Variants in BABAM2 observed in about 807,000 individuals in gnomAD.
The protein encoded by BABAM2 is BRISC and BRCA1-A complex member 2.
In BABAM2, 31 loss-of-function variants were observed where a neutral mutation model predicts 54.7. That is an observed-to-expected ratio of 0.57 (90% CI 0.43 to 0.77). The LOEUF is 0.77. Ranked by LOEUF, BABAM2 falls within the 30% of genes least tolerant of loss-of-function variation. The pLI is 0.00. For missense variants in BABAM2, 364 were observed against 455.8 expected (o/e 0.80, Z 1.83); for synonymous variants, 167 against 162.9 (o/e 1.03, Z -0.19).
At chr2:28,192,176 A>G (rs923508530) in intron 7 of BABAM2, among the ~76,000 whole-genome samples, 2 of 152,106 alleles carry the variant, frequency 1.3e-5, no homozygotes, top group African/African-American at 4.8e-5. Flanking sequence ...CTGGGACCAC[A>G]GGCGCCCGCC....
At chr2:28,277,927 T>C (rs941284081) in intron 10 of BABAM2, among the ~76,000 whole-genome samples, 1 of 152,128 alleles carries the variant, frequency 6.6e-6, no homozygotes, top group Non-Finnish European at 1.5e-5. Context: ...AGAAACCCCC[T>C]CAGAAGGGTT....
At chr2:28,139,321 C>CAAAAAAAAAAAAAAAAAA (rs768755922) in intron 7 of BABAM2, among the ~76,000 whole-genome samples, 24 of 87,044 alleles carry the variant, frequency 2.8e-4, no homozygotes, top group African/African-American at 5.2e-4. Context: ...AACTCCGTCT[C>CAAAAAAAAAAAAAAAAAA]AAAAAAAAAA....
intron 3 of BABAM2, among the ~76,000 whole-genome samples, chr2:27,952,848 TC>T (rs150177762): frequency 0.025 from 3,841 of 152,320 alleles, 63 homozygotes; most frequent in Non-Finnish European, 0.039. Context: ...ACAGCCTAAT[TC>T]TTCATAGAAT....
chr2:28,045,600 C>T lies in BABAM2; in HGVS notation c.496-125C>T, dbSNP rs6738887. 459,511 of 647,546 alleles carry T rather than the reference C, an allele frequency of 0.71. 168,687 individuals are homozygous for T. The highest frequency in any genetic ancestry group is 0.8 in the Middle Eastern group (1,724 of 2,162). 40.1% of individuals were successfully genotyped at this position (647,546 alleles called of 1,614,324 possible). ...TTTCCAACCTTCTTTTCTTGCCTAA[C>T]GTTAGGAAAACCAAATTGAAGATGC... On this transcript the variant is annotated intron_variant, in intron 5 of 11. Transcript: ENST00000379624.
At chr2:28,330,432 C>T (rs77686953) in intron 11 of BABAM2, among the ~76,000 whole-genome samples, 1 of 152,102 alleles carries the variant, frequency 6.6e-6, no homozygotes, top group Non-Finnish European at 1.5e-5. Context: ...TCTAGAAAAC[C>T]CCATTGTCTC....
chr2:28,004,421 G>A (rs866124145), intron 4 of BABAM2, among the ~76,000 whole-genome samples: 3 of 152,072 alleles, frequency 2.0e-5, no homozygotes, highest in African/African-American at 7.2e-5. Flanking sequence ...ACATTATTAT[G>A]AACAAAACAT....
chr2:27,987,159 T>A (rs544776058), intron 3 of BABAM2, among the ~76,000 whole-genome samples: 1 of 152,314 alleles, frequency 6.6e-6, no homozygotes, highest in African/African-American at 2.4e-5. Context: ...TTCTTACTGA[T>A]GAAGAAACTG....
At chr2:27,904,094 G>A (rs1309239023) in intron 2 of BABAM2, among the ~76,000 whole-genome samples, 2 of 152,180 alleles carry the variant, frequency 1.3e-5, no homozygotes, top group Admixed American at 1.3e-4. Context: ...AGACAGTTAT[G>A]CTGGACAGAG....
intron 7 of BABAM2, among the ~76,000 whole-genome samples, chr2:28,159,282 G>A (rs1672830456): frequency 6.6e-6 from 1 of 152,168 alleles, no homozygotes; most frequent in East Asian, 1.9e-4. Context: ...GAGTCTACTG[G>A]CAGAGTCAGG....
intron 9 of BABAM2, among the ~76,000 whole-genome samples, chr2:28,244,080 A>G (rs1682698825): frequency 6.6e-6 from 1 of 152,172 alleles, no homozygotes; most frequent in Non-Finnish European, 1.5e-5. Context: ...TGGCCCATTC[A>G]GAGGTCAGGG....
At chr2:28,266,886 T>G (rs1461137165) in intron 10 of BABAM2, among the ~76,000 whole-genome samples, 2 of 152,284 alleles carry the variant, frequency 1.3e-5, no homozygotes, top group Admixed American at 6.5e-5. Flanking sequence ...CTGGGTGCAG[T>G]GGCTCACGCC....
At chr2:28,266,794 A>G (rs1462838341) in intron 10 of BABAM2, among the ~76,000 whole-genome samples, 2 of 152,258 alleles carry the variant, frequency 1.3e-5, no homozygotes, top group Non-Finnish European at 2.9e-5. Context: ...TATTTACCAT[A>G]TAAGTCTTTC....
intron 8 of BABAM2, among the ~76,000 whole-genome samples, chr2:28,239,810 G>C (rs906281264): frequency 6.6e-6 from 1 of 152,152 alleles, no homozygotes; most frequent in Non-Finnish European, 1.5e-5. Flanking sequence ...AAAACCATTA[G>C]GTGAAAGGTT....
At position 28,205,939 on chromosome 2, in the gene BABAM2, G is replaced by T. The variant is rs1290264193; in HGVS notation, c.681-31263G>T. Among the ~76,000 whole-genome samples the T allele has an allele frequency of 2.0e-5, 3 of 152,212 alleles. No individual in the cohort carries two copies. The East Asian group carries it at 5.8e-4, about 29-fold the overall frequency. ...GCTGGCTTGCTTTTCAAATTAGTTTGTTCAAATTATTCCATTTGTTTAAAT... is the reference window on the plus strand; with the variant it reads ...GCTGGCTTGCTTTTCAAATTAGTTTTTTCAAATTATTCCATTTGTTTAAAT... On this transcript the variant is annotated intron_variant, in intron 7 of 11. Transcript: ENST00000379624.
intron 5 of BABAM2, among the ~76,000 whole-genome samples, chr2:28,030,998 T>C (rs1381444486): frequency 1.3e-5 from 2 of 152,138 alleles, no homozygotes; most frequent in Non-Finnish European, 2.9e-5. Flanking sequence ...ATCCTGGAGA[T>C]TTTTAAAGAA....
chr2:28,196,354 G>A (rs1297554487), intron 7 of BABAM2, among the ~76,000 whole-genome samples: 2 of 150,312 alleles, frequency 1.3e-5, no homozygotes, highest in Non-Finnish European at 3.0e-5. Flanking sequence ...TTACAAAAAA[G>A]CATTAACATA....
At chr2:27,932,426 T>C (rs1408547939) in intron 3 of BABAM2, among the ~76,000 whole-genome samples, 1 of 152,210 alleles carries the variant, frequency 6.6e-6, no homozygotes. Flanking sequence ...TTGTTTATCA[T>C]ATTTTTTCCC....
intron 11 of BABAM2, chr2:28,308,580 C>A (rs1688770310): frequency 4.5e-6 from 2 of 447,582 alleles, no homozygotes; most frequent in South Asian, 3.5e-5. Flanking sequence ...TTGGGATCAT[C>A]TAAACTGAAT....
At chr2:28,126,786 CACAT>C (rs1312854478) in intron 6 of BABAM2, among the ~76,000 whole-genome samples, 1 of 149,700 alleles carries the variant, frequency 6.7e-6, no homozygotes, top group Admixed American at 6.7e-5. Flanking sequence ...CCTATTTCTC[CACAT>C]CCTCTCCAGC....
Sources: allele counts gnomAD v4.1 joint callset (sites outside exome capture counted in the v4.1 genomes callset), GRCh38; gene constraint gnomAD v4.1.1; transcripts MANE v1.5; gene names NCBI Gene and HGNC (gene_info 2026-07-23, HGNC 2026-07-21).